The following RBMS3 variants were observed in gnomAD, a reference collection of about 807,000 sequenced individuals.
The protein encoded by RBMS3 is RNA-binding motif, single-stranded-interacting protein 3.
Under a neutral mutation model 66.8 loss-of-function variants are expected in RBMS3, and 27 were observed. That is an observed-to-expected ratio of 0.40 (90% CI 0.30 to 0.56). The LOEUF is 0.56. Ranked by LOEUF, RBMS3 falls within the 20% of genes least tolerant of loss-of-function variation. The pLI is 0.40. For synonymous variants in RBMS3, 188 were observed against 183.0 expected, an observed-to-expected ratio of 1.03 and a Z score of -0.22; for missense variants, 513 against 549.5, an observed-to-expected ratio of 0.93 and a Z score of 0.66.
intron 1 of RBMS3, among the ~76,000 whole-genome samples, chr3:29,400,255 A>T (rs915013573): frequency 6.6e-6 from 1 of 152,170 alleles, no homozygotes; most frequent in Non-Finnish European, 1.5e-5. Flanking sequence ...CACCACAGAC[A>T]TTCTGACACA....
chr3:29,393,896 A>T (rs1469735183), intron 1 of RBMS3, among the ~76,000 whole-genome samples: 1 of 152,150 alleles, frequency 6.6e-6, no homozygotes, highest in African/African-American at 2.4e-5. Context: ...GCAATAAAAG[A>T]TCACAAGGGC....
chr3:29,661,791 C>T (rs1269132232), intron 4 of RBMS3, among the ~76,000 whole-genome samples: 3 of 152,178 alleles, frequency 2.0e-5, no homozygotes, highest in East Asian at 3.8e-4. Flanking sequence ...TTTGAAGTCT[C>T]TCAAGAGGGT....
chr3:29,598,749 T>A (rs1050649618), intron 4 of RBMS3, among the ~76,000 whole-genome samples: 4 of 151,954 alleles, frequency 2.6e-5, no homozygotes, highest in Non-Finnish European at 4.4e-5. Context: ...CAGATCAGAG[T>A]CTCTAAGAGC....
At chr3:29,884,297 G>T in intron 8 of RBMS3, 89 bp downstream of exon 8, 1 of 1,319,220 alleles carries the variant, frequency 7.6e-7, no homozygotes, top group Non-Finnish European at 1.1e-6. Context: ...AATTTGTTTT[G>T]CTTTTGTTTT....
intron 12 of RBMS3, among the ~76,000 whole-genome samples, chr3:29,961,201 A>T (rs1696416547): frequency 6.6e-6 from 1 of 152,098 alleles, no homozygotes; most frequent in Admixed American, 6.6e-5. Context: ...CGGGGGCAAA[A>T]TGCCTCCAGT....
At chr3:29,698,154 A>G in intron 4 of RBMS3, 1 of 947,690 alleles carries the variant, frequency 1.1e-6, no homozygotes, top group Non-Finnish European at 1.3e-6. Flanking sequence ...CAGTGAAATT[A>G]ATGCTCCTTC....
At chr3:29,392,096 A>G (rs1399886771) in intron 1 of RBMS3, among the ~76,000 whole-genome samples, 1 of 152,096 alleles carries the variant, frequency 6.6e-6, no homozygotes, top group Admixed American at 6.5e-5. Context: ...CTAAAAATAC[A>G]AAACTGAGCC....
At chr3:29,302,835 T>C (rs2125449233) in intron 1 of RBMS3, among the ~76,000 whole-genome samples, 1 of 152,164 alleles carries the variant, frequency 6.6e-6, no homozygotes, top group African/African-American at 2.4e-5. Context: ...CTTGCCTGTC[T>C]ATTTCTTTAT....
At chr3:29,652,018 A>G (rs1254057057) in intron 4 of RBMS3, among the ~76,000 whole-genome samples, 1 of 152,092 alleles carries the variant, frequency 6.6e-6, no homozygotes, top group Non-Finnish European at 1.5e-5. Context: ...ATATGTAACT[A>G]TATTCTCCTC....
intron 3 of RBMS3, among the ~76,000 whole-genome samples, chr3:29,500,906 G>C (rs2043943016): frequency 6.6e-6 from 1 of 151,948 alleles, no homozygotes; most frequent in East Asian, 1.9e-4. Context: ...TATTCAAAGA[G>C]AGTTTAAAAA....
At chr3:29,409,860 C>G (rs1176201109) in intron 1 of RBMS3, among the ~76,000 whole-genome samples, 1 of 152,118 alleles carries the variant, frequency 6.6e-6, no homozygotes, top group African/African-American at 2.4e-5. Flanking sequence ...TGTAATGCTA[C>G]TTAAATTAAT....
intron 1 of RBMS3, among the ~76,000 whole-genome samples, chr3:29,289,856 A>G (rs1389867555): frequency 6.6e-6 from 1 of 151,912 alleles, no homozygotes; most frequent in East Asian, 1.9e-4. Flanking sequence ...TACATTCAAT[A>G]TGCTAGATGC....
chr3:29,920,494 C>G (rs951862278), intron 10 of RBMS3, among the ~76,000 whole-genome samples: 5 of 152,054 alleles, frequency 3.3e-5, no homozygotes, highest in Non-Finnish European at 7.4e-5. Context: ...TACTTTCATC[C>G]AAAAAACAAT....
chr3:29,844,213 T>A (rs978051566), intron 6 of RBMS3, among the ~76,000 whole-genome samples: 3 of 152,178 alleles, frequency 2.0e-5, no homozygotes, highest in Non-Finnish European at 2.9e-5. Flanking sequence ...TTTACTGAGG[T>A]GTGCTGAGAA....
At chr3:29,772,590 C>T (rs979945752) in intron 6 of RBMS3, among the ~76,000 whole-genome samples, 1 of 151,892 alleles carries the variant, frequency 6.6e-6, no homozygotes, top group Non-Finnish European at 1.5e-5. Flanking sequence ...TTGGGCTCAC[C>T]TCCGAATGCA....
intron 12 of RBMS3, among the ~76,000 whole-genome samples, chr3:29,976,390 T>C (rs1411734326): frequency 3.9e-5 from 6 of 152,122 alleles, no homozygotes; most frequent in Non-Finnish European, 8.8e-5. Flanking sequence ...TATAACTGTC[T>C]ACTTTGTTAT....
chr3:29,409,497 G>A (rs1484339554), intron 1 of RBMS3, among the ~76,000 whole-genome samples: 1 of 152,162 alleles, frequency 6.6e-6, no homozygotes, highest in Non-Finnish European at 1.5e-5. Flanking sequence ...TGAGTAAATC[G>A]ACATCAGGAA....
intron 4 of RBMS3, among the ~76,000 whole-genome samples, chr3:29,606,176 G>C (rs1292025149): frequency 6.6e-6 from 1 of 151,802 alleles, no homozygotes; most frequent in East Asian, 1.9e-4. Context: ...GGGGATGGCT[G>C]TCTTTTCTCA....
chr3:29,921,668 T>A (rs556736476), intron 10 of RBMS3, among the ~76,000 whole-genome samples: 3 of 152,138 alleles, frequency 2.0e-5, no homozygotes, highest in Non-Finnish European at 2.9e-5. Context: ...GAAATGTAAT[T>A]ATAGCCAACT....
Sources: gnomAD v4.1 joint callset for allele counts (sites outside exome capture counted in the v4.1 genomes callset) on GRCh38, gnomAD v4.1.1 for gene constraint, MANE v1.5 for transcripts, NCBI Gene and HGNC (gene_info 2026-07-23, HGNC 2026-07-21) for gene names.